KIAA1755: variants seen among roughly 807,000 people sequenced by gnomAD.
KIAA1755 encodes the protein uncharacterized protein KIAA1755.
KIAA1755 carries 68 observed loss-of-function variants against 91.7 expected under a neutral mutation model. The ratio of observed to expected loss-of-function variants is 0.74; its 90% CI spans 0.61 to 0.91. The LOEUF is 0.91. Among genes scored for constraint, KIAA1755 ranks in the 40% least tolerant of loss-of-function variants. KIAA1755 has a pLI of 0.00. For missense variants in KIAA1755, 1,535 were observed against 1,494.4 expected, an observed-to-expected ratio of 1.03 and a Z score of -0.45; for synonymous variants, 610 against 604.6, an observed-to-expected ratio of 1.01 and a Z score of -0.13.
rs1488255603 is a variant in KIAA1755 at position 38,211,456 on chromosome 20, A to G, written c.*1586T>C. ...CTCCAGAGAGGCGCTGGCAGGGGCC[A>G]CTCTGGCCAGTATGAAGGGTGGGGC... On this transcript the variant is annotated 3_prime_UTR_variant, in exon 14 of 14. Transcript: ENST00000279024. The G allele has an allele frequency of 1.3e-5, 2 of 152,094 alleles. No individual in the cohort carries two copies. Among genetic ancestry groups the G allele is most frequent in the African/African-American group, 4.8e-5 (2 of 41,394 alleles). The allele number at this position is 152,094 out of a possible 1,614,324, so 9.4% of individuals were successfully genotyped here. A position where few individuals can be genotyped will look rare whatever the true frequency, so the allele number is the denominator to read the frequency against.
At chr20:38,248,348 A>G (rs2076192026) in intron 1 of KIAA1755, among the ~76,000 whole-genome samples, 1 of 152,222 alleles carries the variant, frequency 6.6e-6, no homozygotes, top group African/African-American at 2.4e-5. Flanking sequence ...TAGAAGCTGG[A>G]GAAGGCAAGC....
intron 1 of KIAA1755, 146 bp from the exon 2 acceptor site, chr20:38,246,272 C>A: frequency 1.5e-6 from 1 of 666,288 alleles, no homozygotes; most frequent in Admixed American, 2.7e-5. Flanking sequence ...CTCATCACTG[C>A]CAGCCACACT....
At chr20:38,243,068 C>T (rs996923717) in intron 2 of KIAA1755, among the ~76,000 whole-genome samples, 2 of 152,148 alleles carry the variant, frequency 1.3e-5, no homozygotes, top group Admixed American at 6.5e-5. Context: ...GTGGCAACAA[C>T]GGAAACAACA....
At chr20:38,255,527 C>T (rs1324906733) in intron 1 of KIAA1755, among the ~76,000 whole-genome samples, 1 of 152,188 alleles carries the variant, frequency 6.6e-6, no homozygotes, top group Non-Finnish European at 1.5e-5. Context: ...AGATACGGCC[C>T]AGCGGGTGTC....
chr20:38,225,416 G>T, intron 8 of KIAA1755: 1 of 509,532 alleles, frequency 2.0e-6, no homozygotes, highest in Admixed American at 3.7e-5. Flanking sequence ...TAGCTGATGA[G>T]GAAACCAAGG....
chr20:38,228,731 T>A (rs1456937816), intron 5 of KIAA1755, among the ~76,000 whole-genome samples: 1 of 152,130 alleles, frequency 6.6e-6, no homozygotes. Context: ...GAGGGAAAGT[T>A]TTCCAGGGAA....
intron 10 of KIAA1755, among the ~76,000 whole-genome samples, chr20:38,220,298 T>G (rs1410135664): frequency 7.9e-6 from 1 of 126,004 alleles, no homozygotes; most frequent in South Asian, 2.8e-4. Context: ...GATGTTTCCC[T>G]TTTTTTTTTT....
chr20:38,258,234 T>C (rs1358043170), intron 1 of KIAA1755, among the ~76,000 whole-genome samples: 1 of 152,204 alleles, frequency 6.6e-6, no homozygotes, highest in Non-Finnish European at 1.5e-5. Context: ...TGGATACTGA[T>C]TTTTTCATGG....
In KIAA1755 at chr20:38,220,286, C is replaced by A. The variant is rs183383722; in HGVS notation, c.2418-518G>T. 8.0e-4 allele frequency among the ~76,000 whole-genome samples: 121 copies of A among 151,038 alleles called. 1 individual carries two copies. The highest frequency in any genetic ancestry group is 2.8e-3 in the African/African-American group (114 of 41,156). On this transcript the variant is annotated intron_variant, in intron 10 of 13. Coordinates refer to ENST00000279024, the MANE Select transcript of KIAA1755 (RefSeq NM_001029864.2). ...TCAGACTCTGAGTGCAACCAACACA[C>A]TGATGTTTCCCTTTTTTTTTTTTTT...
Position 38,212,703 on chromosome 20 carries a change from G to A in KIAA1755, c.*339C>T, listed in dbSNP as rs1009789947. The A allele has an allele frequency of 4.6e-6, 1 of 216,052 alleles. No individual in the cohort carries two copies. Among genetic ancestry groups the A allele is most frequent in the African/African-American group, 2.3e-5 (1 of 44,158 alleles). 13.4% of individuals were successfully genotyped at this position (216,052 alleles called of 1,614,324 possible). A position where few individuals can be genotyped will look rare whatever the true frequency, so the allele number is the denominator to read the frequency against. ...CTGTGTATGTTCCTGAGCTGCAGGT[G>A]GGTGTCTGCCTGCCTGCGAGCGAGA... On this transcript the variant is annotated 3_prime_UTR_variant, in exon 14 of 14. Transcript: ENST00000279024.
intron 5 of KIAA1755, 70 bp from the exon 6 acceptor site, chr20:38,228,310 G>T: frequency 8.2e-7 from 1 of 1,224,416 alleles, no homozygotes; most frequent in Non-Finnish European, 1.1e-6. Flanking sequence ...CTAGTGGAAG[G>T]TGAGGGAACC....
intron 1 of KIAA1755, among the ~76,000 whole-genome samples, chr20:38,254,750 T>C (rs2076310058): frequency 2.6e-5 from 4 of 151,326 alleles, no homozygotes; most frequent in Non-Finnish European, 5.9e-5. Context: ...CACACCACTG[T>C]ACTCCAGCCT....
rs2075440472 is a variant in KIAA1755 at position 38,210,609 on chromosome 20, GT to G, written c.*2432del. ...TGCAGTGAGGGGAGAGATTGTTGGG[GT>G]ACAGTTCTTTCTGGGGACAGAGGGA... is the stretch of plus-strand genomic sequence containing the variant. On this transcript the variant is annotated 3_prime_UTR_variant, in exon 14 of 14. Transcript: ENST00000279024. The G allele has an allele frequency of 6.6e-6, 1 of 152,224 alleles. No homozygotes were observed. Among genetic ancestry groups the G allele is most frequent in the African/African-American group, 2.4e-5 (1 of 41,454 alleles). 9.4% of individuals were successfully genotyped at this position (152,224 alleles called of 1,614,324 possible).
intron 4 of KIAA1755, among the ~76,000 whole-genome samples, chr20:38,235,438 T>A (rs2075943852): frequency 6.6e-6 from 1 of 151,990 alleles, no homozygotes; most frequent in Non-Finnish European, 1.5e-5. Flanking sequence ...GGTGGGGAGA[T>A]TATCCTGGAT....
rs1410776558 is a variant in KIAA1755 at position 38,213,338 on chromosome 20, A to C, written c.3307T>G (p.Leu1103Val). 7.4e-6 allele frequency: 12 copies of C among 1,612,172 alleles called. No homozygotes were observed. Among genetic ancestry groups the C allele is most frequent in the Non-Finnish European group, 1.0e-5 (12 of 1,179,066 alleles). The change falls in exon 14 of 14, where the codon TTG (leucine) becomes GTG (valine). Residue 1103 changes from leucine to valine, a missense_variant. By Grantham distance (32) the Leu-to-Val change is conservative (BLOSUM62 1). Coordinates refer to ENST00000279024, the MANE Select transcript of KIAA1755 (RefSeq NM_001029864.2). ...CCAGGAGGCCAATAGGACTTTGGCA[A>C]ATGGTCCATGCCCAGTGAGTCTAGT... is the stretch of plus-strand genomic sequence containing the variant. ...PPLDSLGMDH[L>V]PKSYWPPGPP...
chr20:38,223,174 G>C (rs551909623), intron 9 of KIAA1755: 5 of 198,552 alleles, frequency 2.5e-5, no homozygotes, highest in Non-Finnish European at 5.1e-5. Flanking sequence ...CAAACTTCAA[G>C]CCTCAACTTA....
Position 38,240,587 on chromosome 20 carries a change from C to T in KIAA1755, c.1544G>A (p.Gly515Glu). Residue 515 changes from glycine to glutamate, a missense_variant, in exon 3 of 14, where the codon GGG (glycine) becomes GAG (glutamate). By Grantham distance (98) the Gly-to-Glu change is moderately conservative. Coordinates refer to ENST00000279024, the MANE Select transcript of KIAA1755 (RefSeq NM_001029864.2). ...SPKPNRAKSL[G>E]KAGTTQTKTS... is the part of the protein sequence containing the mutation. ...TGAGCATGTGGGCATCTTACCTTTC[C>T]CCAAAGATTTGGCTCGGTTGGGTTT... The T allele has an allele frequency of 1.3e-6, 2 of 1,486,006 alleles. No homozygotes were observed. The highest frequency in any genetic ancestry group is 1.8e-6 in the Non-Finnish European group (2 of 1,117,296). 92.1% of individuals were successfully genotyped at this position (1,486,006 alleles called of 1,614,324 possible).
rs781314341 is a variant in KIAA1755, at chr20:38,240,749, G to A, written c.1382C>T (p.Thr461Ile). Residue 461 changes from threonine (T) to isoleucine (I), a missense_variant, in exon 3 of 14, where the codon ACC (threonine) becomes ATC (isoleucine). Thr to Ile is a moderately conservative substitution (Grantham distance 89). Coordinates refer to ENST00000279024, the MANE Select transcript of KIAA1755 (RefSeq NM_001029864.2). ...AGGAGTGGGGGGCTCAGGGGAGGAG[G>A]TGTTTCTGCTAGGGCAGGGCATGGG... ...PKPMPCPSRN[T>I]SSPEPPTPGL... 6.3e-6 allele frequency: 10 copies of A among 1,582,808 alleles called. No individual in the cohort carries two copies. Among genetic ancestry groups the A allele is most frequent in the Non-Finnish European group, 8.6e-6 (10 of 1,163,966 alleles).
intron 1 of KIAA1755, among the ~76,000 whole-genome samples, chr20:38,249,271 G>A (rs377133839): frequency 3.9e-4 from 60 of 152,278 alleles, no homozygotes; most frequent in African/African-American, 1.4e-3. Flanking sequence ...GAGCCTCACG[G>A]GGGCCCTTCT....
Sources: gnomAD v4.1 joint callset for allele counts (sites outside exome capture counted in the v4.1 genomes callset) on GRCh38, gnomAD v4.1.1 for gene constraint, MANE v1.5 for transcripts, NCBI Gene and HGNC (gene_info 2026-07-23, HGNC 2026-07-21) for gene names.